CLGN: variants seen among roughly 807,000 people sequenced by gnomAD.
CLGN encodes the protein calmegin.
CLGN carries 62 observed loss-of-function variants against 79.1 expected under a neutral mutation model. The ratio of observed to expected loss-of-function variants is 0.78; its 90% CI spans 0.64 to 0.97. The LOEUF (loss-of-function observed/expected upper bound fraction) is 0.97. CLGN is among the 50% of genes least tolerant of loss of function. CLGN has a pLI of 0.00. For missense variants in CLGN, 647 were observed against 715.5 expected, an observed-to-expected ratio of 0.90 and a Z score of 1.09; for synonymous variants, 225 against 224.7, an observed-to-expected ratio of 1.00 and a Z score of -0.01.
chr4:140,399,110 A>C (rs1728949265), intron 7 of CLGN, 70 bp from the exon 8 acceptor site: 1 of 1,308,074 alleles, frequency 7.6e-7, no homozygotes, highest in African/African-American at 1.5e-5. Flanking sequence ...CTTCTAAATA[A>C]TGTAACTACC....
At chr4:140,424,978 C>T (rs1729534158) in intron 1 of CLGN, among the ~76,000 whole-genome samples, 1 of 152,196 alleles carries the variant, frequency 6.6e-6, no homozygotes, top group Non-Finnish European at 1.5e-5. Context: ...CCTACTGGAT[C>T]TCCACTACCA....
chr4:140,395,970 C>T lies in CLGN; in HGVS notation c.999-1G>A, dbSNP rs1728866185. The T allele has an allele frequency of 6.3e-7, 1 of 1,597,868 alleles. No individual in the cohort carries two copies. Among genetic ancestry groups the T allele is most frequent in the South Asian group, 1.1e-5 (1 of 87,108 alleles). ...CCATTCTCCATCCGTGTCTTCATTC[C>T]TTAGGATATTAAAACAAAGCAAATA... On this transcript the variant is annotated splice_acceptor_variant, in intron 9 of 14. Transcript: ENST00000325617. LOFTEE classifies it high-confidence loss of function.
intron 1 of CLGN, among the ~76,000 whole-genome samples, chr4:140,414,534 C>T (rs1476959157): frequency 1.3e-4 from 19 of 150,066 alleles, no homozygotes; most frequent in African/African-American, 3.4e-4. Context: ...AACCAAGGCT[C>T]GAGAACTACG....
At chr4:140,420,726 G>T (rs983299131) in intron 1 of CLGN, among the ~76,000 whole-genome samples, 1 of 152,096 alleles carries the variant, frequency 6.6e-6, no homozygotes, top group African/African-American at 2.4e-5. Context: ...ACAAAACTAT[G>T]AGGTTTGTGA....
chr4:140,389,432 T>G (rs1356894583), intron 14 of CLGN, 128 bp from the exon 15 acceptor site: 1 of 697,546 alleles, frequency 1.4e-6, no homozygotes, highest in Non-Finnish European at 2.4e-6. Context: ...GAAGGTATTA[T>G]ATGAAATAAA....
At chr4:140,401,346 GAGT>G (rs1396150337) in intron 6 of CLGN, among the ~76,000 whole-genome samples, 1 of 152,030 alleles carries the variant, frequency 6.6e-6, no homozygotes, top group Non-Finnish European at 1.5e-5. Context: ...TAATAATAAT[GAGT>G]AGTACATGAA....
chr4:140,391,343 C>T (rs577968146), intron 13 of CLGN, among the ~76,000 whole-genome samples: 1 of 151,802 alleles, frequency 6.6e-6, no homozygotes, highest in South Asian at 2.1e-4. Context: ...TACAAGCAGG[C>T]CCCTCCGATA....
intron 4 of CLGN, among the ~76,000 whole-genome samples, chr4:140,408,880 T>TAC (rs1432701378): frequency 3.1e-4 from 44 of 142,694 alleles, no homozygotes; most frequent in African/African-American, 1.1e-3. Flanking sequence ...TATATATATA[T>TAC]ATATACACAC....
intron 6 of CLGN, among the ~76,000 whole-genome samples, chr4:140,401,025 T>C (rs1479710342): frequency 1.3e-5 from 2 of 152,116 alleles, no homozygotes; most frequent in African/African-American, 4.8e-5. Context: ...TGGCATGGCA[T>C]AGTGGTTAAC....
chr4:140,417,880 G>A (rs1326377916), intron 1 of CLGN, among the ~76,000 whole-genome samples: 1 of 151,600 alleles, frequency 6.6e-6, no homozygotes, highest in Non-Finnish European at 1.5e-5. Flanking sequence ...CCAAAAAAGA[G>A]CCCGCATCGC....
chr4:140,395,972 T>C lies in CLGN; in HGVS notation c.999-3A>G. The C allele has an allele frequency of 1.9e-6, 3 of 1,597,944 alleles. No individual in the cohort carries two copies. Among genetic ancestry groups the C allele is most frequent in the Non-Finnish European group, 2.6e-6 (3 of 1,173,816 alleles). ...ATTCTCCATCCGTGTCTTCATTCCT[T>C]AGGATATTAAAACAAAGCAAATACA... On this transcript the variant is annotated splice_polypyrimidine_tract_variant and splice_region_variant and intron_variant, in intron 9 of 14. Coordinates refer to ENST00000325617, the MANE Select transcript of CLGN (RefSeq NM_004362.3).
At chr4:140,399,398 G>T (rs1728954961) in intron 7 of CLGN, among the ~76,000 whole-genome samples, 1 of 152,062 alleles carries the variant, frequency 6.6e-6, no homozygotes, top group Non-Finnish European at 1.5e-5. Flanking sequence ...CCATCTTAAA[G>T]TGTTGTAAGT....
Position 140,410,565 on chromosome 4 carries a change from C to G in CLGN, c.206G>C (p.Gly69Ala). 6.2e-7 allele frequency: 1 copy of G among 1,600,120 alleles called. No individual in the cohort carries two copies. Among genetic ancestry groups the G allele is most frequent in the Non-Finnish European group, 8.6e-7 (1 of 1,167,764 alleles). The change falls in exon 3 of 15, where the codon GGA becomes GCA. Residue 69 changes from glycine to alanine, a missense_variant. Gly to Ala is a moderately conservative substitution (Grantham distance 60). Transcript: ENST00000325617. ...AATGAATACTCACCCAGCCAACCTT[C>G]CACTATCAAAAGTTTCTGCAAAATA... The part of the protein sequence containing the change: ...EVYFAETFDS[G>A]RLAGWVLSKA...
chr4:140,403,406 T>C (rs751622792), intron 5 of CLGN, among the ~76,000 whole-genome samples: 1 of 152,224 alleles, frequency 6.6e-6, no homozygotes, highest in East Asian at 1.9e-4. Flanking sequence ...AGGTATTCTT[T>C]CGTTCTTTTT....
At chr4:140,409,747 A>T (rs112402182) in intron 4 of CLGN, 90 bp downstream of exon 4, 1 of 738,204 alleles carries the variant, frequency 1.4e-6, no homozygotes, top group Non-Finnish European at 2.2e-6. Context: ...GGGGGACTCC[A>T]GCCAACACAA....
intron 11 of CLGN, among the ~76,000 whole-genome samples, chr4:140,392,916 C>T (rs2126614155): frequency 6.6e-6 from 1 of 152,086 alleles, no homozygotes; most frequent in East Asian, 1.9e-4. Context: ...GACTTGATAG[C>T]AGAAGGTATG....
chr4:140,407,529 G>C (rs1421847052), intron 4 of CLGN, among the ~76,000 whole-genome samples: 1 of 148,256 alleles, frequency 6.7e-6, no homozygotes, highest in Non-Finnish European at 1.5e-5. Context: ...CTGCTACATA[G>C]CAACAACGAC....
chr4:140,398,177 T>C (rs1409249307), intron 8 of CLGN, among the ~76,000 whole-genome samples: 1 of 152,026 alleles, frequency 6.6e-6, no homozygotes, highest in African/African-American at 2.4e-5. Context: ...TTTCTTTTAG[T>C]ACTTTGTAAA....
At chr4:140,412,832 T>C in intron 2 of CLGN, 103 bp downstream of exon 2, 1 of 1,040,384 alleles carries the variant, frequency 9.6e-7, no homozygotes, top group Non-Finnish European at 1.4e-6. Flanking sequence ...TCTATCTAGC[T>C]CTAAAATGAA....
Sources: allele counts gnomAD v4.1 joint callset (sites outside exome capture counted in the v4.1 genomes callset), GRCh38; gene constraint gnomAD v4.1.1; transcripts MANE v1.5; gene names NCBI Gene and HGNC (gene_info 2026-07-23, HGNC 2026-07-21).